CDCA2: variants seen among roughly 807,000 people sequenced by gnomAD.
The protein encoded by CDCA2 is cell division cycle-associated protein 2.
In CDCA2, 44 loss-of-function variants were observed where a neutral mutation model predicts 67.0. The observed-to-expected ratio is 0.66, with a 90% CI of 0.52 to 0.84. The LOEUF is 0.84. Ranked by LOEUF, CDCA2 falls within the 40% of genes least tolerant of loss-of-function variation. The pLI is 0.00. For missense variants in CDCA2, 1,253 were observed against 1,203.2 expected (o/e 1.04, Z -0.61); for synonymous variants, 447 against 418.7 (o/e 1.07, Z -0.82).
At position 25,488,593 on chromosome 8, in the gene CDCA2, G is replaced by C. The variant is rs750422210; in HGVS notation, c.1575G>C (p.Leu525Phe). The stretch of plus-strand genomic sequence containing the variant: ...TAGAAGAGAGTGTTTGCAACTTATT[G>C]AATACAGAAGTTCAGCCTTGTAAAG... Reference protein sequence around the residue: ...SVVEESVCNLLNTEVQPCKEK... With the variant: ...SVVEESVCNLFNTEVQPCKEK... Residue 525 changes from leucine to phenylalanine, a missense_variant, in exon 13 of 15, where the codon TTG (leucine) becomes TTC (phenylalanine). By Grantham distance (22) the Leu-to-Phe change is conservative. Transcript: ENST00000330560. The C allele has an allele frequency of 2.7e-5, 44 of 1,612,772 alleles. No individual in the cohort carries two copies. The Admixed American group carries it at 4.9e-4, about 18-fold the overall frequency.
At chr8:25,488,026 G>C (rs979972402) in intron 12 of CDCA2, among the ~76,000 whole-genome samples, 2 of 151,890 alleles carry the variant, frequency 1.3e-5, no homozygotes, top group African/African-American at 4.8e-5. Context: ...GTTTCAACTG[G>C]GAGTTATATA....
At chr8:25,495,421 C>T (rs1300242855) in intron 13 of CDCA2, among the ~76,000 whole-genome samples, 1 of 148,120 alleles carries the variant, frequency 6.8e-6, no homozygotes, top group Non-Finnish European at 1.5e-5. Context: ...TGGGATAAAT[C>T]TTTTTTTTTT....
intron 4 of CDCA2, among the ~76,000 whole-genome samples, chr8:25,465,675 G>A (rs923777479): frequency 5.3e-5 from 8 of 152,148 alleles, no homozygotes; most frequent in African/African-American, 1.9e-4. Flanking sequence ...GAGCCAAAAA[G>A]GAGAGCAGTG....
At chr8:25,476,231 A>G (rs1441118964) in intron 7 of CDCA2, among the ~76,000 whole-genome samples, 1 of 152,128 alleles carries the variant, frequency 6.6e-6, no homozygotes, top group Non-Finnish European at 1.5e-5. Flanking sequence ...TTACTCCACT[A>G]TCTCCCCCAC....
intron 13 of CDCA2, among the ~76,000 whole-genome samples, chr8:25,496,277 C>CT (rs1261541183): frequency 1.3e-5 from 2 of 151,936 alleles, no homozygotes; most frequent in Non-Finnish European, 2.9e-5. Flanking sequence ...AAGTTTATTA[C>CT]TTTTTTTTAA....
intron 4 of CDCA2, among the ~76,000 whole-genome samples, chr8:25,463,733 A>G (rs1802791914): frequency 6.6e-6 from 1 of 152,160 alleles, no homozygotes; most frequent in Non-Finnish European, 1.5e-5. Context: ...AAATCGAATC[A>G]TTCACCCGGC....
chr8:25,481,546 C>T (rs1023183033), intron 8 of CDCA2, among the ~76,000 whole-genome samples: 12 of 152,086 alleles, frequency 7.9e-5, no homozygotes, highest in East Asian at 1.9e-4. Flanking sequence ...AAAAATTAGC[C>T]GGGCGTAGTG....
chr8:25,487,168 A>G (rs1358968856), intron 11 of CDCA2, 78 bp from the exon 12 acceptor site: 1 of 866,658 alleles, frequency 1.2e-6, no homozygotes, highest in African/African-American at 1.7e-5. Context: ...GATATCCTAA[A>G]CACAGTGTTT....
At chr8:25,471,357 TTTC>T (rs60138416) in intron 7 of CDCA2, among the ~76,000 whole-genome samples, 1 of 151,120 alleles carries the variant, frequency 6.6e-6, no homozygotes, top group Non-Finnish European at 1.5e-5. Context: ...CAATGTTTTC[TTTC>T]TTCTTCTTCT....
intron 7 of CDCA2, among the ~76,000 whole-genome samples, chr8:25,472,882 C>G (rs1425036906): frequency 6.6e-6 from 1 of 152,084 alleles, no homozygotes; most frequent in Non-Finnish European, 1.5e-5. Flanking sequence ...AAATTACTCT[C>G]TTAGTTATTT....
At chr8:25,470,050 T>C in intron 7 of CDCA2, 70 bp downstream of exon 7, 3 of 1,066,654 alleles carry the variant, frequency 2.8e-6, no homozygotes, top group Non-Finnish European at 4.2e-6. Flanking sequence ...TGTACCTATT[T>C]GCTAAAATTT....
At chr8:25,468,532 G>GGGGTGTGTGT (rs1554520606) in intron 6 of CDCA2, 119 bp downstream of exon 6, 354 of 424,280 alleles carry the variant, frequency 8.3e-4, no homozygotes, top group South Asian at 1.3e-3. Context: ...TGGTTCCTGG[G>GGGGTGTGTGT]GTGTGTGTGT....
At chr8:25,472,867 T>C (rs1396917828) in intron 7 of CDCA2, among the ~76,000 whole-genome samples, 1 of 152,156 alleles carries the variant, frequency 6.6e-6, no homozygotes, top group African/African-American at 2.4e-5. Context: ...TGGTGAGACG[T>C]TTGAAAATTA....
chr8:25,468,259 C>T lies in CDCA2; in HGVS notation c.581C>T (p.Pro194Leu). 6 of 1,613,590 alleles carry T rather than the reference C, an allele frequency of 3.7e-6. No homozygotes were observed. The highest frequency in any genetic ancestry group is 5.1e-6 in the Non-Finnish European group (6 of 1,179,722). ...GLSACQQSGFPAVLSSKRRRI... is the reference protein window; with the variant it reads ...GLSACQQSGFLAVLSSKRRRI... Reference sequence around the variant, plus strand: ...AGCGCTTGCCAGCAGTCTGGGTTCCCTGCAGTGTTGTCCTCCAAACGTCGG... The same window carrying T: ...AGCGCTTGCCAGCAGTCTGGGTTCCTTGCAGTGTTGTCCTCCAAACGTCGG... Residue 194 changes from proline to leucine, a missense_variant, in exon 6 of 15, where the codon CCT (proline) becomes CTT (leucine). Physicochemically the swap from Pro to Leu is moderately conservative, Grantham distance 98. Coordinates refer to ENST00000330560, the MANE Select transcript of CDCA2 (RefSeq NM_152562.4).
At chr8:25,496,073 G>A (rs1248332083) in intron 13 of CDCA2, among the ~76,000 whole-genome samples, 1 of 152,108 alleles carries the variant, frequency 6.6e-6, no homozygotes, top group Admixed American at 6.5e-5. Flanking sequence ...TGGTGAAATG[G>A]CTGCTTTCAG....
chr8:25,506,444 A>G (rs1804678727), intron 14 of CDCA2, 66 bp from the exon 15 acceptor site: 1 of 1,382,966 alleles, frequency 7.2e-7, no homozygotes, highest in Non-Finnish European at 9.6e-7. Context: ...TGATTATTTA[A>G]TAAATGTAAA....
intron 7 of CDCA2, among the ~76,000 whole-genome samples, chr8:25,477,348 T>C (rs373815256): frequency 7.9e-5 from 12 of 152,324 alleles, no homozygotes; most frequent in African/African-American, 2.9e-4. Flanking sequence ...TCTTCTTTCA[T>C]CCTGACCTTC....
chr8:25,474,957 C>G (rs1488312777), intron 7 of CDCA2, among the ~76,000 whole-genome samples: 1 of 152,166 alleles, frequency 6.6e-6, no homozygotes, highest in African/African-American at 2.4e-5. Context: ...CGAGCAGGGA[C>G]AGATGCTCCT....
intron 7 of CDCA2, among the ~76,000 whole-genome samples, chr8:25,475,369 A>G (rs1405300179): frequency 6.6e-6 from 1 of 152,114 alleles, no homozygotes; most frequent in Non-Finnish European, 1.5e-5. Flanking sequence ...AAATACAAAA[A>G]TTAGCCAGGC....
Sources: gnomAD v4.1 joint callset for allele counts (sites outside exome capture counted in the v4.1 genomes callset) on GRCh38, gnomAD v4.1.1 for gene constraint, MANE v1.5 for transcripts, NCBI Gene and HGNC (gene_info 2026-07-23, HGNC 2026-07-21) for gene names.